The following SLC38A10 variants were observed in gnomAD, a reference collection of about 807,000 sequenced individuals.
SLC38A10 encodes the protein Sodium-coupled neutral amino acid transporter 10.
A neutral mutation model predicts 81.0 loss-of-function variants in SLC38A10; 53 were observed. That is an observed-to-expected ratio of 0.65 (90% CI 0.53 to 0.82). The LOEUF (loss-of-function observed/expected upper bound fraction) is 0.82, where lower values mean the gene tolerates loss of function less well. Ranked by LOEUF, SLC38A10 falls within the 40% of genes least tolerant of loss-of-function variation. The pLI is 0.00. For synonymous variants in SLC38A10, 665 were observed against 655.3 expected, an observed-to-expected ratio of 1.01 and a Z score of -0.23; for missense variants, 1,471 against 1,545.0, an observed-to-expected ratio of 0.95 and a Z score of 0.80.
Position 81,253,938 on chromosome 17 carries a change from C to T in SLC38A10, c.1289-698G>A, listed in dbSNP as rs1223489756. Among the ~76,000 whole-genome samples, 2 of 152,008 alleles carry T rather than the reference C, an allele frequency of 1.3e-5. No individual in the cohort carries two copies. The highest frequency in any genetic ancestry group is 3.9e-4 in the East Asian group (2 of 5,178). On this transcript the variant is annotated intron_variant, in intron 11 of 15. Transcript: ENST00000374759. This position sits in a 1 kb window ranked among gnomAD's most constrained non-coding sequence, Gnocchi z 4.1. ...CCAACCCTACCATCATTGCCATCACCTCCATTATCGTCATCACCACCACCA... is the reference window on the plus strand; with the variant it reads ...CCAACCCTACCATCATTGCCATCACTTCCATTATCGTCATCACCACCACCA...
At chr17:81,247,950 C>CTTT (rs34228716) in intron 14 of SLC38A10, among the ~76,000 whole-genome samples, 1,092 of 73,098 alleles carry the variant, frequency 0.015, 13 homozygotes, top group East Asian at 0.033. Context: ...CAAAAGCTGT[C>CTTT]TTTTTTTTTT....
At chr17:81,258,506 G>A (rs1417014162) in intron 11 of SLC38A10, among the ~76,000 whole-genome samples, 1 of 152,198 alleles carries the variant, frequency 6.6e-6, no homozygotes, top group African/African-American at 2.4e-5. Flanking sequence ...GCCGCAGGCA[G>A]AGGCGGCGCA....
At chr17:81,249,737 T>G (rs553867386) in intron 14 of SLC38A10, among the ~76,000 whole-genome samples, 2 of 152,012 alleles carry the variant, frequency 1.3e-5, no homozygotes, top group East Asian at 3.9e-4. Flanking sequence ...AGGTGGCCCA[T>G]GAGGCAGCAG....
intron 10 of SLC38A10, among the ~76,000 whole-genome samples, chr17:81,269,423 GAATTGCTTGAA>G (rs1400328832): frequency 4.6e-5 from 7 of 152,186 alleles, no homozygotes; most frequent in African/African-American, 1.7e-4. Context: ...TGAGGCAGGA[GAATTGCTTGAA>G]CCCAGGAGGC....
rs550850293 is a variant in SLC38A10 at position 81,276,388 on chromosome 17, C to CTT, written c.730-239_730-238dup. 2.5e-3 allele frequency among the ~76,000 whole-genome samples: 359 copies of CTT among 142,542 alleles called. No individual in the cohort carries two copies. The highest frequency in any genetic ancestry group is 8.6e-3 in the African/African-American group (332 of 38,772). The allele number at this position is 142,542 out of a possible 152,430, so 93.5% of individuals were successfully genotyped here. A position where few individuals can be genotyped will look rare whatever the true frequency, so the allele number is the denominator to read the frequency against. On this transcript the variant is annotated intron_variant, in intron 7 of 15. Transcript: ENST00000374759. The surrounding 1 kb of genome is among the most constrained non-coding windows in gnomAD (Gnocchi z 4.7). ...CATGCCCATTTCTTTCTTTTTCTTT[C>CTT]TTTTTTTTTTTTTTTGAGACGGGGT...
chr17:81,248,361 G>A (rs2146878756), intron 14 of SLC38A10, among the ~76,000 whole-genome samples: 1 of 152,312 alleles, frequency 6.6e-6, no homozygotes, highest in South Asian at 2.1e-4. Context: ...GAAATTCTGG[G>A]CAGGTCCTGC....
At chr17:81,250,909 G>C in intron 14 of SLC38A10, 2 of 1,158,922 alleles carry the variant, frequency 1.7e-6, no homozygotes, top group Non-Finnish European at 2.1e-6. Context: ...TCTCAGGAGA[G>C]CAAAGGCGTA....
rs1488895042 is a variant in SLC38A10 at position 81,265,870 on chromosome 17, C to T, written c.1131+5048G>A. On this transcript the variant is annotated intron_variant, in intron 10 of 15. Coordinates refer to ENST00000374759, the MANE Select transcript of SLC38A10 (RefSeq NM_001037984.3). The surrounding 1 kb of genome is among the most constrained non-coding windows in gnomAD (Gnocchi z 4.2). Reference sequence around the variant, plus strand: ...CCGTAGGAGCGCTGGGGACAGGACGCACCAGACCCAAGTCAGAGGGAAAAA... The same window carrying T: ...CCGTAGGAGCGCTGGGGACAGGACGTACCAGACCCAAGTCAGAGGGAAAAA... Among the ~76,000 whole-genome samples the T allele has an allele frequency of 6.6e-6, 1 of 152,240 alleles. No individual in the cohort carries two copies. Among genetic ancestry groups the T allele is most frequent in the African/African-American group, 2.4e-5 (1 of 41,468 alleles).
chr17:81,251,687 G>A (rs1170905228), intron 13 of SLC38A10, 75 bp from the exon 14 acceptor site: 3 of 1,407,668 alleles, frequency 2.1e-6, no homozygotes, highest in Non-Finnish European at 2.8e-6. Flanking sequence ...GGGACAGAAG[G>A]CAAGGGCGGG....
rs959756977 is a variant in SLC38A10, at chr17:81,286,383, G to T, written c.218-1488C>A. On this transcript the variant is annotated intron_variant, in intron 2 of 15. Coordinates refer to ENST00000374759, the MANE Select transcript of SLC38A10 (RefSeq NM_001037984.3). This position sits in a 1 kb window ranked among gnomAD's most constrained non-coding sequence, Gnocchi z 6.0. ...CTTCTGGTTCCCAGGACAACGTCCT[G>T]AGAGCCCACCACGCTGAGACACGGC... Among the ~76,000 whole-genome samples the T allele has an allele frequency of 6.6e-6, 1 of 152,150 alleles. No individual in the cohort carries two copies. Among genetic ancestry groups the T allele is most frequent in the African/African-American group, 2.4e-5 (1 of 41,428 alleles).
chr17:81,248,474 G>A (rs1484007551), intron 14 of SLC38A10, among the ~76,000 whole-genome samples: 1 of 152,254 alleles, frequency 6.6e-6, no homozygotes, highest in Non-Finnish European at 1.5e-5. Flanking sequence ...CTTGGTGCAG[G>A]AGCACCCGGT....
At chr17:81,273,240 C>T (rs1208484169) in intron 8 of SLC38A10, among the ~76,000 whole-genome samples, 1 of 152,254 alleles carries the variant, frequency 6.6e-6, no homozygotes, top group Non-Finnish European at 1.5e-5. Context: ...CAGGGCCATT[C>T]ATTCCGGAGG....
intron 8 of SLC38A10, 75 bp downstream of exon 8, chr17:81,275,894 G>C: frequency 6.8e-7 from 1 of 1,471,778 alleles, no homozygotes; most frequent in Non-Finnish European, 9.1e-7. Context: ...TCTCTGGTTC[G>C]GGACAGCTGG....
At chr17:81,291,960 G>A (rs1428465951) in intron 1 of SLC38A10, among the ~76,000 whole-genome samples, 1 of 152,134 alleles carries the variant, frequency 6.6e-6, no homozygotes, top group Non-Finnish European at 1.5e-5. Flanking sequence ...CACAGAGTAC[G>A]CTCCTTAATT....
Position 81,283,617 on chromosome 17 carries a change from CTTTTTTTT to C in SLC38A10, c.264-123_264-116del, listed in dbSNP as rs111438281. The C allele has an allele frequency of 1.9e-6, 1 of 517,518 alleles. No homozygotes were observed. Among genetic ancestry groups the C allele is most frequent in the East Asian group, 3.9e-5 (1 of 25,728 alleles). 32.1% of individuals were successfully genotyped at this position (517,518 alleles called of 1,614,324 possible). On this transcript the variant is annotated intron_variant, in intron 3 of 15. Transcript: ENST00000374759. This position sits in a 1 kb window ranked among gnomAD's most constrained non-coding sequence, Gnocchi z 4.7. ...GAATGACAGATGTGATTTCTTTTTT[CTTTTTTTT>C]TTTTTTGAAACAGAGTCTCACTCTG... is the stretch of plus-strand genomic sequence containing the variant.
chr17:81,247,950 CT>C (rs34228716), intron 14 of SLC38A10, among the ~76,000 whole-genome samples: 18,262 of 72,876 alleles, frequency 0.25, 572 homozygotes, highest in African/African-American at 0.39. Context: ...CAAAAGCTGT[CT>C]TTTTTTTTTT....
In SLC38A10 at chr17:81,281,735, C is replaced by G; in HGVS notation, c.501+454G>C. ...AGGTTGCAGTGAGCCGAGATTGCGC[C>G]ACTGCACTCCAGCCTGGGCGACAAA... is the stretch of plus-strand genomic sequence containing the variant. On this transcript the variant is annotated intron_variant, in intron 5 of 15. Transcript: ENST00000374759. This position sits in a 1 kb window ranked among gnomAD's most constrained non-coding sequence, Gnocchi z 5.3. 6.6e-6 allele frequency among the ~76,000 whole-genome samples: 1 copy of G among 152,120 alleles called. No homozygotes were observed. Among genetic ancestry groups the G allele is most frequent in the Admixed American group, 6.5e-5 (1 of 15,274 alleles).
chr17:81,245,951 G>A lies in SLC38A10; in HGVS notation c.2965C>T (p.Arg989Cys), dbSNP rs533442494. Reference protein sequence around the residue: ...HGGHLEMRKARGGDHVPVSHE... With the variant: ...HGGHLEMRKACGGDHVPVSHE... ...GACACAGGCACATGGTCCCCCCCGC[G>A]GGCCTTTCTCATCTCCAGGTGACCG... The change falls in exon 16 of 16, where the codon CGC becomes TGC. Residue 989 changes from arginine (R) to cysteine (C), a missense_variant. Physicochemically the swap from Arg to Cys is radical, Grantham distance 180 (BLOSUM62 -3). Transcript: ENST00000374759. 2.7e-5 allele frequency: 43 copies of A among 1,605,876 alleles called. No homozygotes were observed. The highest frequency in any genetic ancestry group is 3.4e-5 in the Non-Finnish European group (40 of 1,175,510).
At position 81,287,781 on chromosome 17, in the gene SLC38A10, A is replaced by G. The variant is rs189794894; in HGVS notation, c.217+1910T>C. Among the ~76,000 whole-genome samples, 675 of 152,336 alleles carry G rather than the reference A, an allele frequency of 4.4e-3. 9 individuals carry two copies. Among genetic ancestry groups the G allele is most frequent in the African/African-American group, 0.015 (643 of 41,570 alleles). On this transcript the variant is annotated intron_variant, in intron 2 of 15. Transcript: ENST00000374759. ...GACTTTTCAGGGACTTTGAATGAAT[A>G]GACAGCTGGCTATCAGAAATGGGGG...
Sources: gnomAD v4.1 joint callset for allele counts (sites outside exome capture counted in the v4.1 genomes callset) on GRCh38, gnomAD v4.1.1 for gene constraint, Gnocchi (gnomAD v3.1) non-coding constraint, MANE v1.5 for transcripts, NCBI Gene and HGNC (gene_info 2026-07-23, HGNC 2026-07-21) for gene names.